The following ARHGAP23 variants were observed in gnomAD, a reference collection of about 807,000 sequenced individuals.
The protein encoded by ARHGAP23 is Rho GTPase activating protein 23.
Under a neutral mutation model 136.3 loss-of-function variants are expected in ARHGAP23, and 34 were observed. The ratio of observed to expected loss-of-function variants is 0.25; its 90% CI spans 0.19 to 0.33. ARHGAP23 has a LOEUF of 0.33. Ranked by LOEUF, ARHGAP23 falls within the 10% of genes least tolerant of loss-of-function variation. The pLI is 1.00. For missense variants in ARHGAP23, 1,808 were observed against 2,139.0 expected (o/e 0.85, Z 3.05); for synonymous variants, 832 against 920.5 (o/e 0.90, Z 1.74).
chr17:38,494,588 TA>T, intron 20 of ARHGAP23, among the ~76,000 whole-genome samples: 2 of 152,138 alleles, frequency 1.3e-5, no homozygotes, highest in South Asian at 2.1e-4. Flanking sequence ...AAAAATCCAT[TA>T]AAAAAATGAT....
intron 1 of ARHGAP23, chr17:38,457,500 T>C (rs2039354886): frequency 6.4e-6 from 1 of 156,424 alleles, no homozygotes. Context: ...AGGACTTTGA[T>C]TCTGTGCAAC....
chr17:38,479,583 G>C lies in ARHGAP23; in HGVS notation c.2498+86G>C, dbSNP rs149705980. 1,022 of 1,475,258 alleles carry C rather than the reference G, an allele frequency of 6.9e-4. 16 individuals are homozygous for C. In the East Asian group the frequency reaches 0.02, roughly 29 times the overall value. The allele number at this position is 1,475,258 out of a possible 1,614,324, so 91.4% of individuals were successfully genotyped here. ...AGGATGTCTTCCTGGCCCACCTCCA[G>C]GGCTGCCCTCTGCTGGGGGAAGGGG... On this transcript the variant is annotated intron_variant, in intron 13 of 23. Transcript: ENST00000622683.
At chr17:38,497,360 C>T (rs2040414952) in intron 20 of ARHGAP23, among the ~76,000 whole-genome samples, 1 of 152,206 alleles carries the variant, frequency 6.6e-6, no homozygotes, top group African/African-American at 2.4e-5. Context: ...GCGTGGGGCA[C>T]ACTCGGCTGT....
At position 38,466,885 on chromosome 17, in the gene ARHGAP23, A is replaced by G. The variant is rs1250486656; in HGVS notation, c.1202A>G (p.Gln401Arg). 6.5e-7 allele frequency: 1 copy of G among 1,549,934 alleles called. No individual in the cohort carries two copies. Among genetic ancestry groups the G allele is most frequent in the Non-Finnish European group, 8.7e-7 (1 of 1,146,842 alleles). ...ACPTRDLPGP[Q>R]APPPSGLQGL... is the part of the protein sequence containing the mutation. ...CCAACTCGGGACCTGCCAGGGCCCC[A>G]GGCCCCACCCCCGTCTGGCCTGCAG... The change falls in exon 7 of 24, where the codon CAG (glutamine) becomes CGG (arginine). Residue 401 changes from glutamine (Q) to arginine (R), a missense_variant. By Grantham distance (43) the Gln-to-Arg change is conservative. Coordinates refer to ENST00000622683, the MANE Select transcript of ARHGAP23 (RefSeq NM_001199417.2).
At chr17:38,489,526 G>A (rs924022595) in intron 17 of ARHGAP23, among the ~76,000 whole-genome samples, 8 of 151,964 alleles carry the variant, frequency 5.3e-5, no homozygotes, top group East Asian at 1.9e-4. Flanking sequence ...CGTGCCAGCC[G>A]GCTTCAGTTG....
rs1182982282 is a variant in ARHGAP23, at chr17:38,467,255, G to T, written c.1572G>T (p.Gly524=). The change falls in exon 7 of 24, where the codon GGG becomes GGT. Residue 524 remains glycine, a synonymous_variant. Transcript: ENST00000622683. ...AGTCCCCAGAGCCAGAGGCCAGTGG[G>T]CGAGGGGAACGCCTGGGCAGGAAGG... is the stretch of plus-strand genomic sequence containing the variant. ...GDESPEPEAS[G]RGERLGRKVA... 6.5e-7 allele frequency: 1 copy of T among 1,549,628 alleles called. No individual in the cohort carries two copies. The highest frequency in any genetic ancestry group is 8.7e-7 in the Non-Finnish European group (1 of 1,145,846).
intron 1 of ARHGAP23, among the ~76,000 whole-genome samples, chr17:38,419,928 A>ACAGCAGCTG (rs1348772349): frequency 1.3e-5 from 2 of 151,942 alleles, no homozygotes; most frequent in African/African-American, 2.4e-5. Flanking sequence ...TTTCCCAGTC[A>ACAGCAGCTG]CAGCAGCTGC....
intron 22 of ARHGAP23, chr17:38,498,882 C>G (rs746887335): frequency 1.1e-5 from 8 of 697,770 alleles, no homozygotes; most frequent in African/African-American, 3.5e-5. Context: ...CTCTTCTCCC[C>G]GTGCTCTCCT....
intron 1 of ARHGAP23, among the ~76,000 whole-genome samples, chr17:38,439,691 G>T (rs2038878867): frequency 6.6e-6 from 1 of 152,158 alleles, no homozygotes; most frequent in Non-Finnish European, 1.5e-5. Context: ...AGCTTAGGGA[G>T]GTTAGTAATT....
At chr17:38,480,459 C>G (rs1050413158) in intron 14 of ARHGAP23, among the ~76,000 whole-genome samples, 9 of 152,090 alleles carry the variant, frequency 5.9e-5, no homozygotes, top group African/African-American at 1.9e-4. Context: ...CGGTGAAACC[C>G]CGTCTCTACT....
chr17:38,448,858 C>CTTTTTTTTTT (rs1241989813), intron 1 of ARHGAP23, among the ~76,000 whole-genome samples: 3 of 124,226 alleles, frequency 2.4e-5, no homozygotes, highest in African/African-American at 1.0e-4. Context: ...GTTGCCCAGC[C>CTTTTTTTTTT]TTTTTTTTTT....
chr17:38,491,760 G>C (rs1044517593), intron 20 of ARHGAP23: 3 of 607,080 alleles, frequency 4.9e-6, no homozygotes, highest in Non-Finnish European at 8.4e-6. Flanking sequence ...TGTGTCCCCA[G>C]CAGGAGAGTC....
intron 1 of ARHGAP23, among the ~76,000 whole-genome samples, chr17:38,441,759 G>T (rs1009518160): frequency 2.0e-5 from 3 of 152,296 alleles, no homozygotes; most frequent in African/African-American, 7.2e-5. Flanking sequence ...ACGGGGAGGG[G>T]GCAGGCAGGC....
chr17:38,439,362 G>T (rs915692119), intron 1 of ARHGAP23, among the ~76,000 whole-genome samples: 1 of 152,022 alleles, frequency 6.6e-6, no homozygotes, highest in Non-Finnish European at 1.5e-5. Flanking sequence ...AATATATGGC[G>T]ACTTCCTCCT....
In ARHGAP23 at chr17:38,467,050, C is replaced by G; in HGVS notation, c.1367C>G (p.Ala456Gly). The G allele has an allele frequency of 6.4e-7, 1 of 1,550,998 alleles. No individual in the cohort carries two copies. The highest frequency in any genetic ancestry group is 8.7e-7 in the Non-Finnish European group (1 of 1,146,976). Residue 456 changes from alanine to glycine, a missense_variant, in exon 7 of 24, where the codon GCG (alanine) becomes GGG (glycine). This residue lies in a region of ARHGAP23 where 859 missense variants were observed against 936.4 expected (regional missense o/e 0.92). Coordinates refer to ENST00000622683, the MANE Select transcript of ARHGAP23 (RefSeq NM_001199417.2). ...LPTFNLAQSP[A>G]SFPPEASEPP... ...ACCTTCAACCTGGCCCAGTCCCCTGCGTCATTCCCACCAGAGGCCTCCGAG... is the reference window on the plus strand; with the variant it reads ...ACCTTCAACCTGGCCCAGTCCCCTGGGTCATTCCCACCAGAGGCCTCCGAG...
intron 1 of ARHGAP23, among the ~76,000 whole-genome samples, chr17:38,442,055 A>G (rs1236688541): frequency 6.6e-6 from 1 of 151,986 alleles, no homozygotes; most frequent in African/African-American, 2.4e-5. Context: ...CTCTTGGCTC[A>G]AGCAATCCTC....
chr17:38,510,489 G>C lies in ARHGAP23; in HGVS notation c.3993G>C (p.Glu1331Asp), dbSNP rs1438720344. Residue 1331 changes from glutamate (E) to aspartate (D), a missense_variant, in exon 24 of 24, where the codon GAG becomes GAC. Glu to Asp is a conservative substitution (Grantham distance 45, BLOSUM62 2). Coordinates refer to ENST00000622683, the MANE Select transcript of ARHGAP23 (RefSeq NM_001199417.2). This position sits in a 1 kb window ranked among gnomAD's most constrained non-coding sequence, Gnocchi z 4.6. ...RRLARGRPDG[E>D]GAGRGGPRAP... Reference sequence around the variant, plus strand: ...TGGCCCGGGGCCGCCCAGACGGCGAGGGCGCGGGCCGGGGCGGTCCCCGCG... The same window carrying C: ...TGGCCCGGGGCCGCCCAGACGGCGACGGCGCGGGCCGGGGCGGTCCCCGCG... 8 of 1,174,826 alleles carry C rather than the reference G, an allele frequency of 6.8e-6. No homozygotes were observed. Among genetic ancestry groups the C allele is most frequent in the Non-Finnish European group, 8.4e-6 (8 of 952,394 alleles). The allele number at this position is 1,174,826 out of a possible 1,614,324, so 72.8% of individuals were successfully genotyped here.
rs903225252 is a variant in ARHGAP23, at chr17:38,445,282, C to T, written c.64-12820C>T. Among the ~76,000 whole-genome samples, 5 of 135,820 alleles carry T rather than the reference C, an allele frequency of 3.7e-5. No homozygotes were observed. In the Admixed American group the frequency reaches 4.0e-4, roughly 11 times the overall value. The allele number at this position is 135,820 out of a possible 152,430, so 89.1% of individuals were successfully genotyped here. A position where few individuals can be genotyped will look rare whatever the true frequency, so the allele number is the denominator to read the frequency against. Reference sequence around the variant, plus strand: ...GAGATCGAGACCATCCTGGCTAACACAGTGAAACCCTGTCTCTACTTAAAA... The same window carrying T: ...GAGATCGAGACCATCCTGGCTAACATAGTGAAACCCTGTCTCTACTTAAAA... On this transcript the variant is annotated intron_variant, in intron 1 of 23. Transcript: ENST00000622683.
At chr17:38,455,144 A>G (rs750771897) in intron 1 of ARHGAP23, among the ~76,000 whole-genome samples, 5 of 152,336 alleles carry the variant, frequency 3.3e-5, no homozygotes, top group Admixed American at 2.6e-4. Context: ...AGATGAGAAC[A>G]AGACTCAGTT....
Sources: allele counts gnomAD v4.1 joint callset (sites outside exome capture counted in the v4.1 genomes callset), GRCh38; gene constraint gnomAD v4.1.1; regional missense constraint gnomAD v4.1.1; non-coding constraint Gnocchi (gnomAD v3.1); transcripts MANE v1.5; gene names NCBI Gene and HGNC (gene_info 2026-07-23, HGNC 2026-07-21).